Variants in ZNF37A observed in about 807,000 individuals in gnomAD.
The protein encoded by ZNF37A is zinc finger protein 37a (KOX 21).
A neutral mutation model predicts 12.3 loss-of-function variants in ZNF37A; 10 were observed. The observed-to-expected ratio is 0.82, with a 90% CI of 0.50 to 1.38. ZNF37A has a LOEUF of 1.38. ZNF37A is among the 40% of genes most tolerant of loss of function. ZNF37A has a pLI of 0.00. For synonymous variants in ZNF37A, 207 were observed against 223.0 expected (o/e 0.93, Z 0.64); for missense variants, 580 against 651.2 (o/e 0.89, Z 1.19).
chr10:38,142,993 A>G (rs2136084913), intron 7 of ZNF37A: 1 of 152,240 alleles, frequency 6.6e-6, no homozygotes, highest in Non-Finnish European at 1.5e-5. Flanking sequence ...TTCATTCCTG[A>G]TGTTATGTTT....
chr10:38,125,417 G>A (rs1311588388), downstream of ZNF37A: 2 of 152,158 alleles, frequency 1.3e-5, no homozygotes, highest in African/African-American at 4.8e-5. Flanking sequence ...TTGGGGGAGA[G>A]TGTTCAATAC....
chr10:38,130,123 C>T (rs564106981), downstream of ZNF37A, among the ~76,000 whole-genome samples: 26 of 152,310 alleles, frequency 1.7e-4, 1 homozygote, highest in South Asian at 2.7e-3. Context: ...TAGGGAGAAT[C>T]ATGAGATATG....
chr10:38,128,328 T>C (rs1434715344), downstream of ZNF37A, among the ~76,000 whole-genome samples: 1 of 152,104 alleles, frequency 6.6e-6, no homozygotes, highest in Non-Finnish European at 1.5e-5. Flanking sequence ...TAAGCAAAAA[T>C]AGCCATATCA....
intron 7 of ZNF37A, among the ~76,000 whole-genome samples, chr10:38,132,065 T>G (rs1350073714): frequency 6.6e-6 from 1 of 152,174 alleles, no homozygotes; most frequent in Admixed American, 6.5e-5. Context: ...CATCTGCAAA[T>G]AGAGATATTT....
Position 38,119,239 on chromosome 10 carries a change from G to T in ZNF37A, c.*402G>T. On this transcript the variant is annotated 3_prime_UTR_variant, in exon 8 of 8. Transcript: ENST00000685332. ...GAAACCTTTTGGGTGTAATGAATGT[G>T]GGAAAACCTTTCATCAGAAGTCAGC... is the stretch of plus-strand genomic sequence containing the variant. 2 of 1,043,128 alleles carry T rather than the reference G, an allele frequency of 1.9e-6. No individual in the cohort carries two copies. Among genetic ancestry groups the T allele is most frequent in the South Asian group, 3.9e-5 (1 of 25,372 alleles). 64.6% of individuals were successfully genotyped at this position (1,043,128 alleles called of 1,614,324 possible).
intron 5 of ZNF37A, among the ~76,000 whole-genome samples, chr10:38,111,234 C>G (rs2068621601): frequency 6.6e-6 from 1 of 151,854 alleles, no homozygotes; most frequent in African/African-American, 2.4e-5. Flanking sequence ...AACACAAGAA[C>G]AGAAAACCAA....
Position 38,119,057 on chromosome 10 carries a change from A to G in ZNF37A, c.*220A>G, listed in dbSNP as rs2069529724. On this transcript the variant is annotated 3_prime_UTR_variant, in exon 8 of 8. Transcript: ENST00000685332. Reference sequence around the variant, plus strand: ...TAAAAGTGGAAAAAACTTATTGGTGAATGAATATAGGAAACATTTTGCCCA... The same window carrying G: ...TAAAAGTGGAAAAAACTTATTGGTGGATGAATATAGGAAACATTTTGCCCA... 22 of 1,238,048 alleles carry G rather than the reference A, an allele frequency of 1.8e-5. No individual in the cohort carries two copies. The highest frequency in any genetic ancestry group is 2.2e-5 in the Non-Finnish European group (22 of 988,822). 76.7% of individuals were successfully genotyped at this position (1,238,048 alleles called of 1,614,324 possible).
chr10:38,115,066 A>AGTGTGTGTGTGTGTGTGT (rs56124182), intron 6 of ZNF37A, 129 bp from the exon 7 acceptor site: 22 of 621,480 alleles, frequency 3.5e-5, no homozygotes, highest in South Asian at 8.0e-5. Flanking sequence ...GATTAAATGA[A>AGTGTGTGTGTGTGTGTGT]GTGTGTGTGT....
rs2069722561 is a variant in ZNF37A, at chr10:38,121,929, A to C, written c.*3092A>C. The C allele has an allele frequency of 6.6e-6, 1 of 152,168 alleles. No homozygotes were observed. Among genetic ancestry groups the C allele is most frequent in the African/African-American group, 2.4e-5 (1 of 41,422 alleles). 9.4% of individuals were successfully genotyped at this position (152,168 alleles called of 1,614,324 possible). A position where few individuals can be genotyped will look rare whatever the true frequency, so the allele number is the denominator to read the frequency against. On this transcript the variant is annotated 3_prime_UTR_variant, in exon 8 of 8. Coordinates refer to ENST00000685332, the MANE Select transcript of ZNF37A (RefSeq NM_001324250.3). ...ATACAAGATGAGCCTGAATCATCTC[A>C]TGTACCTGACAGTAAGAAAATACTC... is the stretch of plus-strand genomic sequence containing the variant.
chr10:38,132,638 G>A (rs7900878), intron 7 of ZNF37A, among the ~76,000 whole-genome samples: 3,693 of 152,230 alleles, frequency 0.024, 107 homozygotes, highest in African/African-American at 0.075. Context: ...TTGCCCTGCT[G>A]TAGGTTAATG....
chr10:38,135,047 G>A (rs965133920), intron 7 of ZNF37A, among the ~76,000 whole-genome samples: 1 of 152,094 alleles, frequency 6.6e-6, no homozygotes, highest in Non-Finnish European at 1.5e-5. Flanking sequence ...GCATCCTAAA[G>A]TTATAACAAT....
At chr10:38,125,908 T>G (rs1034714316), downstream of ZNF37A, among the ~76,000 whole-genome samples, 2 of 152,160 alleles carry the variant, frequency 1.3e-5, no homozygotes, top group African/African-American at 4.8e-5. Context: ...GCCTCAGCTT[T>G]CGGTCATAGC....
rs1442144913 is a variant in ZNF37A, at chr10:38,123,656, T to G, written c.*4819T>G. On this transcript the variant is annotated 3_prime_UTR_variant, in exon 8 of 8. Coordinates refer to ENST00000685332, the MANE Select transcript of ZNF37A (RefSeq NM_001324250.3). ...TATAACAATTCTATAGAAAAAAAAATCTGATTTAAAACTGGGCAAAAATCT... is the reference window on the plus strand; with the variant it reads ...TATAACAATTCTATAGAAAAAAAAAGCTGATTTAAAACTGGGCAAAAATCT... 6.6e-6 allele frequency: 1 copy of G among 151,906 alleles called. No individual in the cohort carries two copies. Among genetic ancestry groups the G allele is most frequent in the African/African-American group, 2.4e-5 (1 of 41,320 alleles). 9.4% of individuals were successfully genotyped at this position (151,906 alleles called of 1,614,324 possible). A position where few individuals can be genotyped will look rare whatever the true frequency, so the allele number is the denominator to read the frequency against.
chr10:38,096,746 T>C, intron 5 of ZNF37A, 114 bp downstream of exon 5: 18 of 986,348 alleles, frequency 1.8e-5, no homozygotes, highest in Non-Finnish European at 2.7e-5. Flanking sequence ...AGAGGAGAGG[T>C]CACATTACAT....
intron 5 of ZNF37A, among the ~76,000 whole-genome samples, chr10:38,110,035 G>A (rs913397190): frequency 4.6e-5 from 7 of 152,172 alleles, no homozygotes; most frequent in African/African-American, 1.7e-4. Context: ...GGATAGCCAA[G>A]ATAATTCTAA....
At position 38,118,597 on chromosome 10, in the gene ZNF37A, A is replaced by G. The variant is rs2069488333; in HGVS notation, c.1446A>G (p.Leu482=). The G allele has an allele frequency of 1.2e-6, 2 of 1,605,780 alleles. No individual in the cohort carries two copies. The highest frequency in any genetic ancestry group is 1.1e-5 in the South Asian group (1 of 91,024). ...CGKTFRQKSA[L]IVHQRTHIRQ... ...AAACCTTCCGTCAGAAGTCAGCCCT[A>G]ATTGTTCACCAGAGAACTCATATAA... Residue 482 remains leucine (L), a synonymous_variant, in exon 8 of 8, where the codon CTA becomes CTG. Transcript: ENST00000685332.
At chr10:38,110,243 C>G (rs1378848366) in intron 5 of ZNF37A, among the ~76,000 whole-genome samples, 1 of 152,086 alleles carries the variant, frequency 6.6e-6, no homozygotes, top group African/African-American at 2.4e-5. Flanking sequence ...GGAAAGGAGT[C>G]CCTACTTAAT....
intron 5 of ZNF37A, among the ~76,000 whole-genome samples, chr10:38,105,924 C>A: frequency 1.3e-5 from 2 of 152,250 alleles, no homozygotes; most frequent in Admixed American, 1.3e-4. Context: ...ATAATGTTAT[C>A]TGCAAATAGA....
chr10:38,110,667 T>C (rs1439852285), intron 5 of ZNF37A, among the ~76,000 whole-genome samples: 1 of 151,692 alleles, frequency 6.6e-6, no homozygotes, highest in Non-Finnish European at 1.5e-5. Flanking sequence ...AAAAAGTGGG[T>C]GAAGGAAATG....
Sources: gnomAD v4.1 joint callset for allele counts (sites outside exome capture counted in the v4.1 genomes callset) on GRCh38, gnomAD v4.1.1 for gene constraint, MANE v1.5 for transcripts, NCBI Gene and HGNC (gene_info 2026-07-23, HGNC 2026-07-21) for gene names.